The following TKTL1 variants were observed in gnomAD, a reference collection of about 807,000 sequenced individuals.
TKTL1 encodes transketolase-like protein 1.
TKTL1 carries 1 observed loss-of-function variant against 39.3 expected under a neutral mutation model. The observed-to-expected ratio is 0.03, with a 90% CI of 0.01 to 0.12. TKTL1 has a LOEUF of 0.12. Ranked by LOEUF, TKTL1 falls within the 10% of genes least tolerant of loss-of-function variation. The pLI is 1.00. For synonymous variants in TKTL1, 262 were observed against 193.8 expected, an observed-to-expected ratio of 1.35 and a Z score of -2.92; for missense variants, 575 against 509.6, an observed-to-expected ratio of 1.13 and a Z score of -1.24.
At chrX:154,297,130 ATAAAG>A (rs1426169273) in intron 1 of TKTL1, among the ~76,000 whole-genome samples, 87 of 112,556 alleles carry the variant, frequency 7.7e-4, no homozygotes, top group African/African-American at 2.6e-3. Flanking sequence ...CTCTAAAAAA[ATAAAG>A]TAAAAGAAAC....
intron 1 of TKTL1, chrX:154,305,024 T>C (rs1557166862): frequency 9.3e-7 from 1 of 1,076,281 alleles, no homozygotes; most frequent in South Asian, 1.9e-5. Context: ...AATTTAAGCA[T>C]GTGAAAGAAT....
intron 10 of TKTL1, chrX:154,327,239 TCA>T (rs2148086628): frequency 8.1e-6 from 3 of 371,440 alleles, no homozygotes; most frequent in South Asian, 5.3e-5. Context: ...GTGAGGGTTC[TCA>T]GAGTTCAGGC....
chrX:154,321,822 C>T (rs1201278651), intron 8 of TKTL1, among the ~76,000 whole-genome samples: 1 of 108,164 alleles, frequency 9.2e-6, no homozygotes, highest in African/African-American at 3.4e-5. Flanking sequence ...CTAGATGGAG[C>T]TAGAGTCACG....
intron 1 of TKTL1, among the ~76,000 whole-genome samples, chrX:154,300,892 C>T (rs2067268381): frequency 9.1e-6 from 1 of 109,512 alleles, no homozygotes; most frequent in Non-Finnish European, 1.9e-5. Flanking sequence ...AAAGTTTCAC[C>T]AGACCATGGC....
At chrX:154,317,749 C>T (rs12559330) in intron 7 of TKTL1, among the ~76,000 whole-genome samples, 40,117 of 110,972 alleles carry the variant, frequency 0.36, 5,805 homozygotes, top group South Asian at 0.56. Flanking sequence ...GGCAGGAGAG[C>T]CAGCAGGATG....
At chrX:154,321,031 C>A in intron 8 of TKTL1, 118 bp downstream of exon 8, 1 of 892,038 alleles carries the variant, frequency 1.1e-6, no homozygotes, top group Non-Finnish European at 1.6e-6. Flanking sequence ...TTATTCAAGC[C>A]TTTTTCTTGA....
chrX:154,308,669 C>T (rs1191060078), intron 2 of TKTL1, among the ~76,000 whole-genome samples: 2 of 110,547 alleles, frequency 1.8e-5, no homozygotes, highest in African/African-American at 6.6e-5. Flanking sequence ...CCAGTCAGTG[C>T]AGCAGCTCTT....
chrX:154,315,395 G>A (rs1557169189), intron 7 of TKTL1, 58 bp downstream of exon 7: 3 of 1,053,611 alleles, frequency 2.8e-6, no homozygotes, highest in South Asian at 2.5e-5. Context: ...GGACACAGGA[G>A]GCCCAGCCTG....
chrX:154,316,003 G>C (rs782296339), intron 7 of TKTL1, among the ~76,000 whole-genome samples: 83 of 111,858 alleles, frequency 7.4e-4, no homozygotes, highest in Non-Finnish European at 1.4e-3. Flanking sequence ...CCCAGCTCCT[G>C]TCATTAGGCC....
rs782639617 is a variant in TKTL1, at chrX:154,295,818, A to G, written c.-42A>G. 1.7e-6 allele frequency: 2 copies of G among 1,193,751 alleles called. No homozygotes were observed. The highest frequency in any genetic ancestry group is 1.8e-5 in the South Asian group (1 of 54,839). On this transcript the variant is annotated 5_prime_UTR_variant, in exon 1 of 13. Transcript: ENST00000369915. ...GCGCCATTCGCTCTTCAGACGCCGG[A>G]GACGTAGGAGTGGGTCTTCAGACTC... is the stretch of plus-strand genomic sequence containing the variant.
Position 154,296,001 on chromosome X carries a change from C to T in TKTL1, c.134+8C>T, listed in dbSNP as rs1192279936. ...ATGCTCCACGAGCTCCGGGTAAGTTCTCCTCATTGAAGTCTGGGTCATGCA... is the reference window on the plus strand; with the variant it reads ...ATGCTCCACGAGCTCCGGGTAAGTTTTCCTCATTGAAGTCTGGGTCATGCA... On this transcript the variant is annotated splice_region_variant and intron_variant, in intron 1 of 12. Coordinates refer to ENST00000369915, the MANE Select transcript of TKTL1 (RefSeq NM_012253.4). The T allele has an allele frequency of 3.3e-6, 4 of 1,210,308 alleles. No homozygotes were observed. The highest frequency in any genetic ancestry group is 4.5e-6 in the Non-Finnish European group (4 of 894,565).
In TKTL1 at chrX:154,305,294, T is replaced by C. The variant is rs2039206882; in HGVS notation, c.135-10T>C. 4 of 1,200,999 alleles carry C rather than the reference T, an allele frequency of 3.3e-6. No individual in the cohort carries two copies. The Admixed American group carries it at 6.6e-5, about 20-fold the overall frequency. ...TGTGAGAAATGACCAGTGTCATGTC[T>C]GTCTTTCAGCCACCCTACATCATGT... On this transcript the variant is annotated splice_polypyrimidine_tract_variant and intron_variant, in intron 1 of 12. Coordinates refer to ENST00000369915, the MANE Select transcript of TKTL1 (RefSeq NM_012253.4).
At chrX:154,316,207 C>G (rs1443632404) in intron 7 of TKTL1, among the ~76,000 whole-genome samples, 1 of 110,999 alleles carries the variant, frequency 9.0e-6, no homozygotes, top group Non-Finnish European at 1.9e-5. Context: ...GTAGCTAGGA[C>G]TACAGGTGCC....
At position 154,307,905 on chromosome X, in the gene TKTL1, G is replaced by T. The variant is rs186615975; in HGVS notation, c.253-1440G>T. On this transcript the variant is annotated intron_variant, in intron 2 of 12. Transcript: ENST00000369915. ...GGGCTGGAAATGCAGAACCAAAAGG[G>T]AGTCTCTGGGGGGCACAAAGCATGC... 2.4e-3 allele frequency among the ~76,000 whole-genome samples: 270 copies of T among 111,866 alleles called. 3 individuals carry two copies. Among genetic ancestry groups the T allele is most frequent in the African/African-American group, 8.0e-3 (245 of 30,817 alleles).
chrX:154,312,606 G>A lies in TKTL1; in HGVS notation c.697G>A (p.Ala233Thr), dbSNP rs782107839. 4 of 1,209,598 alleles carry A rather than the reference G, an allele frequency of 3.3e-6. No homozygotes were observed. The highest frequency in any genetic ancestry group is 5.9e-5 in the East Asian group (2 of 33,844). The change falls in exon 6 of 13, where the codon GCA becomes ACA. Residue 233 changes from alanine to threonine, a missense_variant. By Grantham distance (58) the Ala-to-Thr change is moderately conservative. Coordinates refer to ENST00000369915, the MANE Select transcript of TKTL1 (RefSeq NM_012253.4). ...PSIEDAESWH[A>T]KPMPRERADA... ...TATTGAGGATGCAGAAAGTTGGCAT[G>A]CAAAGCCAATGCCGAGAGAAAGAGC...
chrX:154,297,436 T>C (rs1343567611), intron 1 of TKTL1, among the ~76,000 whole-genome samples: 6 of 110,176 alleles, frequency 5.4e-5, no homozygotes, highest in African/African-American at 1.6e-4. Context: ...TTTCTGTTTT[T>C]TAGTGGAGAC....
chrX:154,328,819 C>T (rs1264563591), intron 12 of TKTL1, among the ~76,000 whole-genome samples: 1 of 110,757 alleles, frequency 9.0e-6, no homozygotes, highest in Non-Finnish European at 1.9e-5. Flanking sequence ...TGCTCTCACA[C>T]CTGAGGTTGA....
intron 2 of TKTL1, among the ~76,000 whole-genome samples, chrX:154,306,836 T>C (rs1362681908): frequency 9.1e-6 from 1 of 110,375 alleles, no homozygotes; most frequent in Non-Finnish European, 1.9e-5. Flanking sequence ...ATGGTCTCAC[T>C]ATGTTGCCCA....
intron 8 of TKTL1, among the ~76,000 whole-genome samples, chrX:154,322,249 AAAG>A (rs1169069369): frequency 3.8e-5 from 4 of 105,691 alleles, no homozygotes; most frequent in East Asian, 2.9e-4. Flanking sequence ...AAAAAAAAAA[AAAG>A]CCAGAGCGGT....
Sources: allele counts gnomAD v4.1 joint callset (sites outside exome capture counted in the v4.1 genomes callset), GRCh38; gene constraint gnomAD v4.1.1; transcripts MANE v1.5; gene names NCBI Gene and HGNC (gene_info 2026-07-23, HGNC 2026-07-21).